The following IL1R1 variants were observed in gnomAD, a reference collection of about 807,000 sequenced individuals.
The protein encoded by IL1R1 is interleukin-1 receptor type 1.
IL1R1 carries 22 observed loss-of-function variants against 50.2 expected under a neutral mutation model. The ratio of observed to expected loss-of-function variants is 0.44; its 90% CI spans 0.31 to 0.63. The LOEUF (loss-of-function observed/expected upper bound fraction) is 0.63. Among genes scored for constraint, IL1R1 ranks in the 20% least tolerant of loss-of-function variants. IL1R1 has a pLI of 0.07. For missense variants in IL1R1, 509 were observed against 676.2 expected (o/e 0.75, Z 2.74); for synonymous variants, 251 against 236.7 (o/e 1.06, Z -0.55).
chr2:102,175,022 T>C (rs538388964), intron 10 of IL1R1, among the ~76,000 whole-genome samples: 8 of 151,868 alleles, frequency 5.3e-5, no homozygotes, highest in Non-Finnish European at 1.2e-4. Context: ...TGCTCTGTGA[T>C]GAATAGGACA....
At chr2:102,149,885 A>G (rs1270962886) in intron 1 of IL1R1, among the ~76,000 whole-genome samples, 1 of 152,158 alleles carries the variant, frequency 6.6e-6, no homozygotes, top group African/African-American at 2.4e-5. Flanking sequence ...TGGTGAGGAC[A>G]GCGCAGCCTA....
intron 1 of IL1R1, among the ~76,000 whole-genome samples, chr2:102,147,337 C>T (rs1683234357): frequency 6.6e-6 from 1 of 152,208 alleles, no homozygotes; most frequent in African/African-American, 2.4e-5. Context: ...TCCTCTGAAA[C>T]TGTCTGTGGA....
rs181394934 is a variant in IL1R1, at chr2:102,118,719, T to A, written c.-84+13847T>A. Among the ~76,000 whole-genome samples, 7 of 152,116 alleles carry A rather than the reference T, an allele frequency of 4.6e-5. No individual in the cohort carries two copies. In the East Asian group the frequency reaches 1.4e-3, roughly 29 times the overall value. On this transcript the variant is annotated intron_variant, in intron 1 of 10. Coordinates refer to the IL1R1 transcript ENST00000409329. ...CACAGAAGTGTGTGGAGTGCAGGTA[T>A]AGAAAAGGAAAAGTAGGGCCGGGTG...
chr2:102,115,773 A>G (rs1681037269), intron 1 of IL1R1, among the ~76,000 whole-genome samples: 1 of 152,216 alleles, frequency 6.6e-6, no homozygotes, highest in African/African-American at 2.4e-5. Flanking sequence ...AAACTGCACG[A>G]GCAAGAAAAG....
chr2:102,165,110 T>C lies in IL1R1; in HGVS notation c.297-5T>C, dbSNP rs200692729. 6.4e-7 allele frequency: 1 copy of C among 1,563,890 alleles called. No individual in the cohort carries two copies. On this transcript the variant is annotated splice_region_variant and splice_polypyrimidine_tract_variant and intron_variant, in intron 4 of 11. Transcript: ENST00000410023. ...GCTTAACTTACCTATTTTATTTTAT[T>C]TTAGAAATTCATCTTACTGCCTCAG...
intron 10 of IL1R1, 59 bp downstream of exon 10, chr2:102,174,789 G>A: frequency 7.0e-7 from 1 of 1,426,744 alleles, no homozygotes; most frequent in East Asian, 2.4e-5. Flanking sequence ...GTTAGGAGAT[G>A]TAGAAGATGA....
At position 102,154,015 on chromosome 2, in the gene IL1R1, A is replaced by G. The variant is rs966870788; in HGVS notation, c.-9A>G. The stretch of plus-strand genomic sequence containing the variant: ...CTTGGTAAAAGACAAGGCCTTCTCC[A>G]AGGTAACAGGGCTGAGTCACCCCAG... On this transcript the variant is annotated splice_region_variant and 5_prime_UTR_variant, in exon 2 of 12. Coordinates refer to ENST00000410023, the MANE Select transcript of IL1R1 (RefSeq NM_000877.4). 2 of 152,292 alleles carry G rather than the reference A, an allele frequency of 1.3e-5. No homozygotes were observed. Among genetic ancestry groups the G allele is most frequent in the Non-Finnish European group, 2.9e-5 (2 of 68,022 alleles). 9.4% of individuals were successfully genotyped at this position (152,292 alleles called of 1,614,324 possible).
At chr2:102,100,850 C>T (rs183113738), upstream of IL1R1, among the ~76,000 whole-genome samples, 176 of 152,186 alleles carry the variant, frequency 1.2e-3, no homozygotes, top group African/African-American at 4.0e-3. Flanking sequence ...GGACACAGTG[C>T]GGTCTGGAAG....
chr2:102,175,385 T>C (rs1305433071), intron 10 of IL1R1, 93 bp from the exon 11 acceptor site: 1 of 921,408 alleles, frequency 1.1e-6, no homozygotes, highest in Non-Finnish European at 1.7e-6. Context: ...AAAAGATGAA[T>C]AGTTCATTAT....
intron 1 of IL1R1, among the ~76,000 whole-genome samples, chr2:102,121,123 C>A (rs1681382167): frequency 6.6e-6 from 1 of 152,124 alleles, no homozygotes; most frequent in Non-Finnish European, 1.5e-5. Flanking sequence ...TGGTCAATGG[C>A]CACGCTGTGC....
At chr2:102,141,201 C>T (rs1682625218), upstream of IL1R1, among the ~76,000 whole-genome samples, 1 of 152,186 alleles carries the variant, frequency 6.6e-6, no homozygotes, top group Non-Finnish European at 1.5e-5. Flanking sequence ...ACAGTAATGG[C>T]ATCACTGTGG....
intron 1 of IL1R1, among the ~76,000 whole-genome samples, chr2:102,079,930 C>A (rs1212114337): frequency 6.6e-6 from 1 of 152,084 alleles, no homozygotes; most frequent in African/African-American, 2.4e-5. Flanking sequence ...CAGAAATATG[C>A]CCTTACGTTT....
At chr2:102,160,109 T>C (rs888050961) in intron 3 of IL1R1, among the ~76,000 whole-genome samples, 1 of 152,190 alleles carries the variant, frequency 6.6e-6, no homozygotes, top group Non-Finnish European at 1.5e-5. Context: ...TTAATAGATA[T>C]AGGGCAATCC....
chr2:102,111,015 G>A (rs1680730487), intron 1 of IL1R1, among the ~76,000 whole-genome samples: 1 of 152,152 alleles, frequency 6.6e-6, no homozygotes, highest in African/African-American at 2.4e-5. Flanking sequence ...AGGAAGCAGA[G>A]CATAAAAACC....
chr2:102,172,809 A>T lies in IL1R1; in HGVS notation c.962A>T (p.Asp321Val). The T allele has an allele frequency of 6.2e-7, 1 of 1,609,614 alleles. No individual in the cohort carries two copies. The highest frequency in any genetic ancestry group is 8.5e-7 in the Non-Finnish European group (1 of 1,177,254). Reference sequence around the variant, plus strand: ...TTTGCCAAGAATACACATGGTATAGATGCAGCATATATCCAGTTAATATAT... The same window carrying T: ...TTTGCCAAGAATACACATGGTATAGTTGCAGCATATATCCAGTTAATATAT... Reference protein sequence around the residue: ...TCFAKNTHGIDAAYIQLIYPV... With the variant: ...TCFAKNTHGIVAAYIQLIYPV... The change falls in exon 9 of 12, where the codon GAT (aspartate) becomes GTT (valine). Residue 321 changes from aspartate to valine, a missense_variant. Coordinates refer to ENST00000410023, the MANE Select transcript of IL1R1 (RefSeq NM_000877.4).
chr2:102,091,972 T>C (rs1244657144), intron 1 of IL1R1, among the ~76,000 whole-genome samples: 10 of 152,242 alleles, frequency 6.6e-5, no homozygotes. Flanking sequence ...TACTTTTTAA[T>C]GGCTGAATAG....
At chr2:102,081,339 G>GTTT (rs1679199138) in intron 1 of IL1R1, among the ~76,000 whole-genome samples, 1 of 152,186 alleles carries the variant, frequency 6.6e-6, no homozygotes, top group African/African-American at 2.4e-5. Flanking sequence ...AAGGGAGCCT[G>GTTT]GGATGGAAGA....
At position 102,087,189 on chromosome 2, in the gene IL1R1, G is replaced by C. The variant is rs147925275; in HGVS notation, c.-84+16656G>C. Among the ~76,000 whole-genome samples the C allele has an allele frequency of 2.1e-3, 318 of 152,236 alleles. 1 individual carries two copies. Among genetic ancestry groups the C allele is most frequent in the Non-Finnish European group, 2.5e-3 (170 of 68,010 alleles). On this transcript the variant is annotated intron_variant, in intron 1 of 11. Transcript: ENST00000409929. ...TTAAAAATGCTAACAATGATCTAAG[G>C]CTTCAGTAAGTTGTAATCTTTTTGC... is the stretch of plus-strand genomic sequence containing the variant.
At chr2:102,111,028 G>A (rs1237000635) in intron 1 of IL1R1, among the ~76,000 whole-genome samples, 1 of 152,214 alleles carries the variant, frequency 6.6e-6, no homozygotes, top group Non-Finnish European at 1.5e-5. Context: ...TAAAAACCCA[G>A]CATGAGAAGC....
Sources: gnomAD v4.1 joint callset for allele counts (sites outside exome capture counted in the v4.1 genomes callset) on GRCh38, gnomAD v4.1.1 for gene constraint, MANE v1.5 for transcripts, NCBI Gene and HGNC (gene_info 2026-07-23, HGNC 2026-07-21) for gene names.